Variants in PDE4D observed in about 807,000 individuals in gnomAD.
PDE4D encodes the protein 3',5'-cyclic-AMP phosphodiesterase 4D.
Under a neutral mutation model 87.4 loss-of-function variants are expected in PDE4D, and 24 were observed. The ratio of observed to expected loss-of-function variants is 0.27; its 90% CI spans 0.20 to 0.39. The LOEUF (loss-of-function observed/expected upper bound fraction) is 0.39, where lower values mean the gene tolerates loss of function less well. Ranked by LOEUF, PDE4D falls within the 10% of genes least tolerant of loss-of-function variation. PDE4D has a pLI of 1.00. For missense variants in PDE4D, 714 were observed against 1,041.0 expected (o/e 0.69, Z 4.32); for synonymous variants, 384 against 383.2 (o/e 1.00, Z -0.02).
At chr5:58,981,410 T>TA (rs1745109737) in intron 11 of PDE4D, among the ~76,000 whole-genome samples, 2 of 151,974 alleles carry the variant, frequency 1.3e-5, no homozygotes, top group South Asian at 4.1e-4. Flanking sequence ...GCCTATAACT[T>TA]AAATACTATG....
Position 59,231,186 on chromosome 5 carries a change from T to C in PDE4D, c.456-15218A>G, listed in dbSNP as rs1277092890. ...GATTTTATAGAGTGAAGAAACATTT[T>C]CATGTTTCCTTGAAATGGAATCTGG... On this transcript the variant is annotated intron_variant, in intron 1 of 14. Transcript: ENST00000340635. Among the ~76,000 whole-genome samples, 5 of 152,196 alleles carry C rather than the reference T, an allele frequency of 3.3e-5. No individual in the cohort carries two copies. The South Asian group carries it at 6.2e-4, about 19-fold the overall frequency.
rs760520227 is a variant in PDE4D, at chr5:59,589,275, A to T, written c.455+303893T>A. Among the ~76,000 whole-genome samples the T allele has an allele frequency of 1.4e-4, 22 of 152,282 alleles. No homozygotes were observed. In the East Asian group the frequency reaches 2.1e-3, roughly 15 times the overall value. The stretch of plus-strand genomic sequence containing the variant: ...CCTTGTTATACTTTTATACTTTCTA[A>T]AATATTATTGTTATATGTATTATTT... On this transcript the variant is annotated intron_variant, in intron 1 of 14. Coordinates refer to ENST00000340635, the MANE Select transcript of PDE4D (RefSeq NM_001104631.2).
At chr5:60,381,870 A>G (rs1336286083) in intron 1 of PDE4D, among the ~76,000 whole-genome samples, 1 of 152,234 alleles carries the variant, frequency 6.6e-6, no homozygotes, top group African/African-American at 2.4e-5. Flanking sequence ...AGAGAAAAAA[A>G]CAGCAAGGAG....
chr5:59,545,843 AC>A (rs1817177860), intron 1 of PDE4D, among the ~76,000 whole-genome samples: 1 of 152,188 alleles, frequency 6.6e-6, no homozygotes, highest in South Asian at 2.1e-4. Flanking sequence ...AAAATTGTTG[AC>A]GAAGTAAAAT....
intron 6 of PDE4D, among the ~76,000 whole-genome samples, chr5:58,999,115 C>A (rs1431828539): frequency 2.6e-5 from 4 of 152,104 alleles, no homozygotes; most frequent in African/African-American, 9.7e-5. Flanking sequence ...GAAACAGCCA[C>A]AAATTAATTT....
intron 1 of PDE4D, among the ~76,000 whole-genome samples, chr5:59,842,551 A>G (rs558564329): frequency 1.2e-3 from 178 of 152,186 alleles, no homozygotes; most frequent in Non-Finnish European, 2.2e-3. Context: ...TGAATTTCCT[A>G]GAAATTTTAC....
At chr5:60,220,380 C>A (rs1443034577) in intron 1 of PDE4D, among the ~76,000 whole-genome samples, 1 of 152,152 alleles carries the variant, frequency 6.6e-6, no homozygotes, top group African/African-American at 2.4e-5. Context: ...TCTCTAATGG[C>A]AACCTATCCC....
chr5:59,626,217 A>G (rs951962040), intron 1 of PDE4D, among the ~76,000 whole-genome samples: 1 of 152,244 alleles, frequency 6.6e-6, no homozygotes, highest in Admixed American at 6.5e-5. Context: ...TAATGAAATG[A>G]GGTTTCTATA....
intron 1 of PDE4D, among the ~76,000 whole-genome samples, chr5:59,326,789 A>G (rs1021514712): frequency 1.3e-5 from 2 of 152,122 alleles, no homozygotes; most frequent in Non-Finnish European, 2.9e-5. Flanking sequence ...AAGACACATA[A>G]CTTTCTTGCA....
intron 5 of PDE4D, among the ~76,000 whole-genome samples, chr5:59,117,137 G>A (rs1773742237): frequency 6.6e-6 from 1 of 152,044 alleles, no homozygotes; most frequent in Non-Finnish European, 1.5e-5. Flanking sequence ...AACATCCCAG[G>A]ATACAATTTC....
intron 2 of PDE4D, among the ~76,000 whole-genome samples, chr5:60,007,155 AG>A (rs1192168801): frequency 6.6e-6 from 1 of 151,954 alleles, no homozygotes; most frequent in African/African-American, 2.4e-5. Flanking sequence ...ATTATTTTCT[AG>A]GTTAGTTATA....
chr5:60,099,692 C>A (rs1175437350), intron 2 of PDE4D, among the ~76,000 whole-genome samples: 2 of 151,764 alleles, frequency 1.3e-5, no homozygotes, highest in Non-Finnish European at 2.9e-5. Context: ...ACAAGTATAT[C>A]ATTTCTCACC....
chr5:59,991,209 C>T (rs1172674564), intron 2 of PDE4D, among the ~76,000 whole-genome samples: 1 of 152,026 alleles, frequency 6.6e-6, no homozygotes, highest in Non-Finnish European at 1.5e-5. Context: ...CTCAGGTGGT[C>T]TTAAGAGGTG....
At chr5:59,623,942 C>T (rs2150121132) in intron 1 of PDE4D, among the ~76,000 whole-genome samples, 1 of 152,218 alleles carries the variant, frequency 6.6e-6, no homozygotes, top group South Asian at 2.1e-4. Context: ...GTGGTATATG[C>T]TACTCTAAGC....
chr5:60,237,037 A>G (rs566462338), intron 1 of PDE4D, among the ~76,000 whole-genome samples: 1 of 152,078 alleles, frequency 6.6e-6, no homozygotes, highest in South Asian at 2.1e-4. Flanking sequence ...AGACTATGAT[A>G]AGACATCACT....
At chr5:60,356,671 T>C (rs763691946) in intron 1 of PDE4D, among the ~76,000 whole-genome samples, 45 of 152,196 alleles carry the variant, frequency 3.0e-4, no homozygotes, top group Admixed American at 4.6e-4. Context: ...TATTTTCTCA[T>C]CATTTACTAT....
intron 1 of PDE4D, among the ~76,000 whole-genome samples, chr5:59,800,279 G>A (rs879742415): frequency 2.6e-5 from 4 of 151,964 alleles, no homozygotes; most frequent in Admixed American, 2.0e-4. Context: ...CTAGTGGCCA[G>A]TTTTGAGAAC....
chr5:59,924,876 A>T (rs892318652), intron 3 of PDE4D, among the ~76,000 whole-genome samples: 1 of 152,208 alleles, frequency 6.6e-6, no homozygotes, highest in African/African-American at 2.4e-5. Flanking sequence ...AGACAAACCA[A>T]TCAAAAATAA....
chr5:60,351,511 T>C (rs1467833628), intron 1 of PDE4D, among the ~76,000 whole-genome samples: 1 of 152,138 alleles, frequency 6.6e-6, no homozygotes, highest in African/African-American at 2.4e-5. Flanking sequence ...TTAGCAGCTA[T>C]CTTGGATCAT....
Sources: gnomAD v4.1 joint callset for allele counts (sites outside exome capture counted in the v4.1 genomes callset) on GRCh38, gnomAD v4.1.1 for gene constraint, MANE v1.5 for transcripts, NCBI Gene and HGNC (gene_info 2026-07-23, HGNC 2026-07-21) for gene names.